Variants in DGKB observed in about 807,000 individuals in gnomAD.
DGKB encodes 90 kDa diacylglycerol kinase.
DGKB carries 67 observed loss-of-function variants against 114.3 expected under a neutral mutation model. The ratio of observed to expected loss-of-function variants is 0.59; its 90% CI spans 0.48 to 0.72. The LOEUF is 0.72. Ranked by LOEUF, DGKB falls within the 30% of genes least tolerant of loss-of-function variation. DGKB has a pLI of 0.00. For missense variants in DGKB, 907 were observed against 975.2 expected (o/e 0.93, Z 0.93); for synonymous variants, 398 against 323.1 (o/e 1.23, Z -2.49).
At chr7:14,508,042 C>T (rs1020888373) in intron 20 of DGKB, among the ~76,000 whole-genome samples, 1 of 152,144 alleles carries the variant, frequency 6.6e-6, no homozygotes, top group Non-Finnish European at 1.5e-5. Context: ...TTTAGTCTTT[C>T]GTCTTTACCC....
chr7:14,958,476 C>CACACACACACACACA (rs3036023), intron 1 of DGKB, among the ~76,000 whole-genome samples: 14 of 148,516 alleles, frequency 9.4e-5, no homozygotes, highest in East Asian at 2.0e-4. Context: ...CACACACACA[C>CACACACACACACACA]CCCGTCCAGG....
chr7:14,655,103 T>C (rs1815490579), intron 13 of DGKB, among the ~76,000 whole-genome samples: 1 of 151,618 alleles, frequency 6.6e-6, no homozygotes, highest in Admixed American at 6.6e-5. Flanking sequence ...ACAATCTGTA[T>C]ATTGGGAGAA....
intron 1 of DGKB, among the ~76,000 whole-genome samples, chr7:14,856,020 C>A (rs2109496): frequency 3.4e-5 from 5 of 148,918 alleles, no homozygotes; most frequent in South Asian, 2.1e-4. Context: ...CACACACACA[C>A]ATAATTAACA....
chr7:14,769,151 G>A (rs1021864964), intron 2 of DGKB, among the ~76,000 whole-genome samples: 5 of 145,462 alleles, frequency 3.4e-5, no homozygotes, highest in Admixed American at 2.8e-4. Flanking sequence ...AAGAAAGAAA[G>A]AGGGAGGGAG....
chr7:14,389,660 G>A (rs1294288478), intron 21 of DGKB, among the ~76,000 whole-genome samples: 3 of 152,176 alleles, frequency 2.0e-5, no homozygotes, highest in Admixed American at 6.5e-5. Flanking sequence ...TCAAAAACCT[G>A]TAAAAAATGG....
At chr7:14,528,408 T>C (rs1790992945) in intron 20 of DGKB, among the ~76,000 whole-genome samples, 1 of 152,126 alleles carries the variant, frequency 6.6e-6, no homozygotes, top group East Asian at 1.9e-4. Flanking sequence ...ATGGTAATTA[T>C]TGACCATTTA....
At chr7:14,759,315 A>G (rs1044699809) in intron 2 of DGKB, among the ~76,000 whole-genome samples, 1 of 152,184 alleles carries the variant, frequency 6.6e-6, no homozygotes, top group African/African-American at 2.4e-5. Flanking sequence ...AATTTTTAGC[A>G]TATTCATGAT....
At chr7:14,951,857 T>G (rs1405110551) in intron 1 of DGKB, among the ~76,000 whole-genome samples, 1 of 151,918 alleles carries the variant, frequency 6.6e-6, no homozygotes, top group East Asian at 1.9e-4. Flanking sequence ...ACAAAACAAG[T>G]TAAAAAAATC....
At chr7:14,901,408 A>C (rs918891411) in intron 1 of DGKB, among the ~76,000 whole-genome samples, 1 of 152,154 alleles carries the variant, frequency 6.6e-6, no homozygotes, top group Non-Finnish European at 1.5e-5. Context: ...ACAAATTTTG[A>C]AGCTTCTTCT....
chr7:14,391,093 C>T (rs1055250401), intron 21 of DGKB, among the ~76,000 whole-genome samples: 4 of 152,122 alleles, frequency 2.6e-5, no homozygotes, highest in Non-Finnish European at 5.9e-5. Flanking sequence ...CAATTTGATA[C>T]GTTTGTTAAC....
intron 17 of DGKB, among the ~76,000 whole-genome samples, chr7:14,595,710 A>G (rs1043852121): frequency 6.6e-5 from 10 of 151,858 alleles, no homozygotes; most frequent in African/African-American, 2.4e-4. Context: ...ATAGTTTTAT[A>G]AATTAGTAAA....
intron 2 of DGKB, among the ~76,000 whole-genome samples, chr7:14,770,762 G>A (rs1024400882): frequency 1.3e-5 from 2 of 152,060 alleles, no homozygotes; most frequent in Non-Finnish European, 2.9e-5. Flanking sequence ...AAGGCATATT[G>A]TGGCAGGCCA....
intron 21 of DGKB, among the ~76,000 whole-genome samples, chr7:14,349,939 C>A (rs975522696): frequency 2.6e-5 from 4 of 152,078 alleles, no homozygotes; most frequent in Admixed American, 6.6e-5. Context: ...TATCGTATTC[C>A]TGGACAGATT....
intron 17 of DGKB, among the ~76,000 whole-genome samples, chr7:14,596,971 A>G (rs989822557): frequency 7.2e-5 from 11 of 152,252 alleles, no homozygotes; most frequent in African/African-American, 2.4e-4. Flanking sequence ...TAGTCTTGAA[A>G]GGAGTCCTTG....
chr7:14,247,718 G>T (rs1227915596), intron 23 of DGKB, among the ~76,000 whole-genome samples: 1 of 151,764 alleles, frequency 6.6e-6, no homozygotes, highest in Admixed American at 6.6e-5. Context: ...CTACTTAGTT[G>T]TTAGGTTCCT....
At chr7:14,244,153 G>C (rs1794083101) in intron 23 of DGKB, among the ~76,000 whole-genome samples, 1 of 152,124 alleles carries the variant, frequency 6.6e-6, no homozygotes, top group Admixed American at 6.5e-5. Flanking sequence ...ATAAAAAGGA[G>C]ATCGAAAGTG....
chr7:14,636,269 C>A (rs995646255), intron 13 of DGKB, among the ~76,000 whole-genome samples: 1 of 151,644 alleles, frequency 6.6e-6, no homozygotes, highest in African/African-American at 2.4e-5. Context: ...ACTCTTTTCC[C>A]CCGACCATAT....
chr7:14,533,048 A>G (rs1356682034), intron 20 of DGKB, among the ~76,000 whole-genome samples: 1 of 151,878 alleles, frequency 6.6e-6, no homozygotes, highest in African/African-American at 2.4e-5. Context: ...ATGAAAGTCT[A>G]CAAAGTACCT....
At chr7:14,581,937 G>C (rs1260397297) in intron 18 of DGKB, among the ~76,000 whole-genome samples, 3 of 152,104 alleles carry the variant, frequency 2.0e-5, no homozygotes, top group Non-Finnish European at 4.4e-5. Context: ...TTAATGGAAG[G>C]CCAGATCAGA....
Sources: allele counts gnomAD v4.1 joint callset (sites outside exome capture counted in the v4.1 genomes callset), GRCh38; gene constraint gnomAD v4.1.1; transcripts MANE v1.5; gene names NCBI Gene and HGNC (gene_info 2026-07-23, HGNC 2026-07-21).